C1orf167: variants seen among roughly 807,000 people sequenced by gnomAD.
The protein encoded by C1orf167 is uncharacterized protein C1orf167.
A neutral mutation model predicts 176.5 loss-of-function variants in C1orf167; 153 were observed. That is an observed-to-expected ratio of 0.87 (90% confidence interval 0.76 to 0.99). The LOEUF (loss-of-function observed/expected upper bound fraction) is 0.99. C1orf167 is among the 50% of genes least tolerant of loss of function. The pLI, the probability that C1orf167 is intolerant of heterozygous loss-of-function variation, is 0.00. For missense variants in C1orf167, 1,490 were observed against 1,817.7 expected (o/e 0.82, Z 3.28); for synonymous variants, 594 against 752.7 (o/e 0.79, Z 3.45).
chr1:11,789,572 A>T lies in C1orf167; in HGVS notation c.*126A>T. On this transcript the variant is annotated 3_prime_UTR_variant, in exon 21 of 21. Coordinates refer to ENST00000688073, the MANE Select transcript of C1orf167 (RefSeq NM_001010881.2). ...AGAGCTCTGAAGGACAATAAAACCC[A>T]CTCCTCAGTCCTAGCTGCTGCTTTC... 1 of 878,712 alleles carries T rather than the reference A, an allele frequency of 1.1e-6. No homozygotes were observed. Among genetic ancestry groups the T allele is most frequent in the East Asian group, 6.4e-5 (1 of 15,532 alleles). 54.4% of individuals were successfully genotyped at this position (878,712 alleles called of 1,614,324 possible). A position where few individuals can be genotyped will look rare whatever the true frequency, so the allele number is the denominator to read the frequency against.
rs1040745252 is a variant in C1orf167 at position 11,779,956 on chromosome 1, C to T, written c.2806C>T (p.Arg936Trp). Residue 936 changes from arginine (R) to tryptophan (W), a missense_variant, in exon 13 of 21, where the codon CGG becomes TGG. By Grantham distance (101) the Arg-to-Trp change is moderately radical (BLOSUM62 -3). Transcript: ENST00000688073. ...GCTGGTGGAGTGGTGGGCCCAGGAG[C>T]GGGGCTGGCGGCTGGCACGAGATGC... ...SRLVEWWAQE[R>W]GWRLARDALC... 6.2e-6 allele frequency: 8 copies of T among 1,298,074 alleles called. No individual in the cohort carries two copies. Among genetic ancestry groups the T allele is most frequent in the Admixed American group, 2.3e-5 (1 of 43,386 alleles). The allele number at this position is 1,298,074 out of a possible 1,614,324, so 80.4% of individuals were successfully genotyped here.
intron 6 of C1orf167, among the ~76,000 whole-genome samples, chr1:11,770,449 C>T (rs188274380): frequency 2.8e-5 from 4 of 142,730 alleles, no homozygotes; most frequent in Admixed American, 7.0e-5. Flanking sequence ...TTATATTTTT[C>T]TTTTTTTTTT....
rs555402822 is a variant in C1orf167 at position 11,787,998 on chromosome 1, G to A, written c.3799G>A (p.Glu1267Lys). The change falls in exon 18 of 21, where the codon GAG (glutamate) becomes AAG (lysine). Residue 1267 changes from glutamate (E) to lysine (K), a missense_variant. Transcript: ENST00000688073. The stretch of plus-strand genomic sequence containing the variant: ...GGGACCAAGAGCGCACTCCAGCCCT[G>A]AGCCCAGAGCCTGCAAAGCCCAAAG... ...DQGPRAHSSPEPRACKAQSKA... is the reference protein window; with the variant it reads ...DQGPRAHSSPKPRACKAQSKA... 1.5e-6 allele frequency: 2 copies of A among 1,303,756 alleles called. No individual in the cohort carries two copies. 80.8% of individuals were successfully genotyped at this position (1,303,756 alleles called of 1,614,324 possible).
chr1:11,772,485 T>C (rs1167039075), intron 8 of C1orf167, among the ~76,000 whole-genome samples: 1 of 152,182 alleles, frequency 6.6e-6, no homozygotes, highest in East Asian at 1.9e-4. Flanking sequence ...CAGGCTGGTC[T>C]CGAACTCCTG....
chr1:11,785,115 G>T, intron 15 of C1orf167, 33 bp from the exon 16 acceptor site: 3 of 1,271,556 alleles, frequency 2.4e-6, no homozygotes, highest in Non-Finnish European at 3.1e-6. Flanking sequence ...TGGCCTTTAT[G>T]GCCCTGGCTG....
At chr1:11,781,550 A>G (rs1208186822) in intron 13 of C1orf167, among the ~76,000 whole-genome samples, 4 of 152,202 alleles carry the variant, frequency 2.6e-5, no homozygotes, top group Non-Finnish European at 5.9e-5. Flanking sequence ...ATGCAGCCCA[A>G]TCATTCCCCG....
chr1:11,782,273 A>T lies in C1orf167; in HGVS notation c.2945A>T (p.Gln982Leu), dbSNP rs957096061. ...GLQKVVFRSW[Q>L]QAAAHQRCTV... is the part of the protein sequence containing the mutation. ...CAGAAGGTGGTGTTCCGGAGCTGGC[A>T]GCAGGCAGCAGCTCATCAGAGATGC... The change falls in exon 14 of 21, where the codon CAG becomes CTG. Residue 982 changes from glutamine to leucine, a missense_variant. Transcript: ENST00000688073. The T allele has an allele frequency of 7.7e-7, 1 of 1,300,586 alleles. No homozygotes were observed. Among genetic ancestry groups the T allele is most frequent in the East Asian group, 5.7e-5 (1 of 17,662 alleles). The allele number at this position is 1,300,586 out of a possible 1,614,324, so 80.6% of individuals were successfully genotyped here.
chr1:11,766,017 C>G lies in C1orf167; in HGVS notation c.231C>G (p.Ser77Arg). 1 of 1,289,732 alleles carries G rather than the reference C, an allele frequency of 7.8e-7. No homozygotes were observed. Among genetic ancestry groups the G allele is most frequent in the Non-Finnish European group, 1.0e-6 (1 of 988,800 alleles). 79.9% of individuals were successfully genotyped at this position (1,289,732 alleles called of 1,614,324 possible). A position where few individuals can be genotyped will look rare whatever the true frequency, so the allele number is the denominator to read the frequency against. Residue 77 changes from serine (S) to arginine (R), a missense_variant, in exon 3 of 21, where the codon AGC (serine) becomes AGG (arginine). Coordinates refer to ENST00000688073, the MANE Select transcript of C1orf167 (RefSeq NM_001010881.2). The surrounding 1 kb of genome is among the most constrained non-coding windows in gnomAD (Gnocchi z 4.5). ...GCCGAGTCCAGACCAACCTGGCCAG[C>G]CCTGGTCCCCGCCTGGGCCTAGCTC... The part of the protein sequence containing the change: ...EPCRVQTNLA[S>R]PGPRLGLALK...
chr1:11,786,631 G>C (rs1265896454), intron 16 of C1orf167: 1 of 146,970 alleles, frequency 6.8e-6, no homozygotes, highest in African/African-American at 2.5e-5. Flanking sequence ...TGTAGAAATG[G>C]GATCTCACTA....
chr1:11,771,069 A>ATATTT (rs1557726938), intron 6 of C1orf167, among the ~76,000 whole-genome samples: 12 of 47,222 alleles, frequency 2.5e-4, no homozygotes, highest in Non-Finnish European at 3.1e-4. Context: ...ATATATATAT[A>ATATTT]TTTTTTTTTT....
Position 11,772,189 on chromosome 1 carries a change from C to T in C1orf167, c.1918C>T (p.His640Tyr), listed in dbSNP as rs1263423286. The T allele has an allele frequency of 8.4e-6, 11 of 1,304,210 alleles. 1 individual carries two copies. In the Middle Eastern group the frequency reaches 8.5e-4, roughly 101 times the overall value. 80.8% of individuals were successfully genotyped at this position (1,304,210 alleles called of 1,614,324 possible). ...QRTGSFPQAW[H>Y]STAAGVAWVA... ...GACAGGGAGCTTCCCCCAGGCCTGG[C>T]ACTCTACTGCTGCAGGTGTAGCCTG... The change falls in exon 8 of 21, where the codon CAC becomes TAC. Residue 640 changes from histidine to tyrosine, a missense_variant. Transcript: ENST00000688073.
intron 15 of C1orf167, 88 bp downstream of exon 15, chr1:11,784,681 T>C: frequency 8.6e-7 from 1 of 1,168,998 alleles, no homozygotes; most frequent in Non-Finnish European, 1.1e-6. Context: ...GCGTAATTCA[T>C]GGCTGGGTGG....
chr1:11,786,934 C>T (rs1263862174), intron 16 of C1orf167: 1 of 152,530 alleles, frequency 6.6e-6, no homozygotes, highest in Non-Finnish European at 1.5e-5. Flanking sequence ...AGACAAGGAT[C>T]CCATAAGCTG....
chr1:11,787,306 A>G lies in C1orf167; in HGVS notation c.3568-82A>G, dbSNP rs1447927180. The G allele has an allele frequency of 1.0e-5, 8 of 771,454 alleles. No homozygotes were observed. The East Asian group carries it at 5.0e-4, about 48-fold the overall frequency. The allele number at this position is 771,454 out of a possible 1,614,324, so 47.8% of individuals were successfully genotyped here. On this transcript the variant is annotated intron_variant, in intron 16 of 20. Transcript: ENST00000688073. ...GAGGCCGGGATGTGTCCTGCCAGCT[A>G]GAGCAGCGAAGAAATCCCAGCGGGG...
Position 11,778,686 on chromosome 1 carries a change from G to C in C1orf167, c.2366G>C (p.Arg789Pro), listed in dbSNP as rs1460820463. The C allele has an allele frequency of 1.5e-6, 2 of 1,300,858 alleles. No homozygotes were observed. The highest frequency in any genetic ancestry group is 1.0e-6 in the Non-Finnish European group (1 of 986,346). 80.6% of individuals were successfully genotyped at this position (1,300,858 alleles called of 1,614,324 possible). The change falls in exon 11 of 21, where the codon CGG (arginine) becomes CCG (proline). Residue 789 changes from arginine to proline, a missense_variant. Transcript: ENST00000688073. ...ANSFFQGLQQ[R>P]MLQRSLRWWH... is the part of the protein sequence containing the mutation. Reference sequence around the variant, plus strand: ...TCCTTCTTCCAGGGCCTGCAGCAGCGGATGCTGCAGCGCAGCCTGAGATGG... The same window carrying C: ...TCCTTCTTCCAGGGCCTGCAGCAGCCGATGCTGCAGCGCAGCCTGAGATGG...
chr1:11,786,536 A>C (rs1489147492), intron 16 of C1orf167: 2 of 152,046 alleles, frequency 1.3e-5, no homozygotes, highest in East Asian at 3.9e-4. Context: ...CCAGGGCTCA[A>C]ACGATCCTCC....
intron 6 of C1orf167, among the ~76,000 whole-genome samples, chr1:11,769,531 G>A (rs2100271738): frequency 6.6e-6 from 1 of 152,192 alleles, no homozygotes; most frequent in South Asian, 2.1e-4. Flanking sequence ...TCATGCCACT[G>A]CACTCCAGCC....
chr1:11,775,726 G>A (rs1643283848), intron 9 of C1orf167, 116 bp downstream of exon 9: 1 of 1,192,384 alleles, frequency 8.4e-7, no homozygotes, highest in African/African-American at 1.6e-5. Context: ...GGCTTTCTAG[G>A]AGGGCAGCCT....
intron 1 of C1orf167, among the ~76,000 whole-genome samples, chr1:11,762,943 T>G (rs1227508210): frequency 6.6e-6 from 1 of 152,176 alleles, no homozygotes; most frequent in Non-Finnish European, 1.5e-5. Context: ...GCCAGGTTGC[T>G]GCAGTTGGAG....
Sources: gnomAD v4.1 joint callset for allele counts (sites outside exome capture counted in the v4.1 genomes callset) on GRCh38, gnomAD v4.1.1 for gene constraint, Gnocchi (gnomAD v3.1) non-coding constraint, MANE v1.5 for transcripts, NCBI Gene and HGNC (gene_info 2026-07-23, HGNC 2026-07-21) for gene names.